ROBO2: variants seen among roughly 807,000 people sequenced by gnomAD.
ROBO2 encodes the protein roundabout homolog 2.
In ROBO2, 53 loss-of-function variants were observed where a neutral mutation model predicts 160.8. The ratio of observed to expected loss-of-function variants is 0.33; its 90% CI spans 0.26 to 0.41. ROBO2 has a LOEUF of 0.41. Among genes scored for constraint, ROBO2 ranks in the 10% least tolerant of loss-of-function variants. The pLI is 1.00. For missense variants in ROBO2, 1,577 were observed against 1,722.4 expected (o/e 0.92, Z 1.49); for synonymous variants, 664 against 611.7 (o/e 1.09, Z -1.26).
At chr3:76,701,650 C>G (rs1239171581) in intron 2 of ROBO2, among the ~76,000 whole-genome samples, 2 of 151,812 alleles carry the variant, frequency 1.3e-5, no homozygotes, top group African/African-American at 4.8e-5. Flanking sequence ...ATTTCACTAC[C>G]CAAATCAATT....
chr3:77,288,715 C>T (rs893595652), intron 2 of ROBO2, among the ~76,000 whole-genome samples: 8 of 152,056 alleles, frequency 5.3e-5, no homozygotes, highest in Non-Finnish European at 7.4e-5. Context: ...TGTGTTACAA[C>T]GGATCTACAA....
intron 2 of ROBO2, among the ~76,000 whole-genome samples, chr3:76,290,136 T>G (rs1708732068): frequency 6.6e-6 from 1 of 152,262 alleles, no homozygotes; most frequent in East Asian, 1.9e-4. Flanking sequence ...GCATGGACTG[T>G]TTTCCATTTC....
intron 2 of ROBO2, among the ~76,000 whole-genome samples, chr3:76,504,343 A>C (rs2080654495): frequency 6.6e-6 from 1 of 152,162 alleles, no homozygotes; most frequent in South Asian, 2.1e-4. Context: ...GAGAGACAGA[A>C]AATGATGCAG....
chr3:76,004,928 A>G (rs761283607), intron 2 of ROBO2, among the ~76,000 whole-genome samples: 10 of 152,210 alleles, frequency 6.6e-5, no homozygotes, highest in African/African-American at 2.2e-4. Flanking sequence ...ACATCATCCA[A>G]TGAAACACTG....
intron 2 of ROBO2, among the ~76,000 whole-genome samples, chr3:76,073,267 CTTTTTTTTTTTTTTTTTTTT>C (rs869307615): frequency 1.6e-4 from 9 of 57,394 alleles, no homozygotes; most frequent in East Asian, 5.5e-4. Flanking sequence ...AATGAGTATT[CTTTTTTTTTTTTTTTTTTTT>C]TTTTTTTTTT....
At chr3:76,879,229 A>G (rs1319296877) in intron 2 of ROBO2, among the ~76,000 whole-genome samples, 1 of 152,080 alleles carries the variant, frequency 6.6e-6, no homozygotes, top group East Asian at 1.9e-4. Context: ...GGGAGAAGAG[A>G]AAAATCATGT....
chr3:76,453,370 G>A (rs556563370), intron 2 of ROBO2, among the ~76,000 whole-genome samples: 10 of 152,280 alleles, frequency 6.6e-5, no homozygotes, highest in Admixed American at 2.0e-4. Context: ...GTAAGGAAGC[G>A]ATCCAGTTTC....
intron 2 of ROBO2, among the ~76,000 whole-genome samples, chr3:77,105,878 GATCCT>G (rs2072726021): frequency 6.6e-6 from 1 of 152,086 alleles, no homozygotes; most frequent in African/African-American, 2.4e-5. Flanking sequence ...CAGTCAAGTA[GATCCT>G]ATCCATAAAA....
intron 5 of ROBO2, among the ~76,000 whole-genome samples, chr3:77,493,700 C>G (rs376613655): frequency 7.9e-5 from 12 of 152,222 alleles, no homozygotes; most frequent in African/African-American, 2.9e-4. Context: ...CAGAATGCCC[C>G]CTGCAGGCCT....
intron 2 of ROBO2, among the ~76,000 whole-genome samples, chr3:75,978,113 G>A (rs1217078388): frequency 6.6e-6 from 1 of 151,620 alleles, no homozygotes; most frequent in East Asian, 2.0e-4. Flanking sequence ...GTTTTCAGTA[G>A]ATATTAAATT....
At chr3:77,336,078 C>G (rs149770678) in intron 2 of ROBO2, among the ~76,000 whole-genome samples, 64 of 152,284 alleles carry the variant, frequency 4.2e-4, no homozygotes, top group African/African-American at 1.4e-3. Flanking sequence ...AGAATGGCCT[C>G]ATAGTGCTGG....
At chr3:77,238,643 C>T (rs1290951993) in intron 2 of ROBO2, among the ~76,000 whole-genome samples, 1 of 151,966 alleles carries the variant, frequency 6.6e-6, no homozygotes, top group East Asian at 1.9e-4. Flanking sequence ...ATCTAATTTT[C>T]TTTTTTAGAA....
At chr3:77,442,364 T>C (rs2080033069) in intron 2 of ROBO2, among the ~76,000 whole-genome samples, 1 of 152,002 alleles carries the variant, frequency 6.6e-6, no homozygotes, top group Non-Finnish European at 1.5e-5. Flanking sequence ...TGTTGCATGA[T>C]GCTATTTTCA....
intron 2 of ROBO2, among the ~76,000 whole-genome samples, chr3:77,309,224 A>C (rs1372668892): frequency 6.6e-6 from 1 of 152,152 alleles, no homozygotes; most frequent in Non-Finnish European, 1.5e-5. Context: ...GTTGTTACTA[A>C]GCTTTACATA....
chr3:77,444,064 T>G (rs1050460896), intron 2 of ROBO2, among the ~76,000 whole-genome samples: 1 of 152,214 alleles, frequency 6.6e-6, no homozygotes, highest in Non-Finnish European at 1.5e-5. Flanking sequence ...ATTATCTTTG[T>G]CCATGCCTTC....
At chr3:76,381,407 G>A (rs1576805296) in intron 2 of ROBO2, among the ~76,000 whole-genome samples, 1 of 152,112 alleles carries the variant, frequency 6.6e-6, no homozygotes, top group Non-Finnish European at 1.5e-5. Context: ...CTGGAGTGCA[G>A]TGGCATGATC....
At chr3:76,463,122 C>G (rs1454381009) in intron 2 of ROBO2, among the ~76,000 whole-genome samples, 1 of 152,144 alleles carries the variant, frequency 6.6e-6, no homozygotes, top group Non-Finnish European at 1.5e-5. Flanking sequence ...AAGGCTGCTC[C>G]CGCTGGGAAA....
chr3:76,283,487 C>T (rs185280345), intron 2 of ROBO2, among the ~76,000 whole-genome samples: 3 of 151,898 alleles, frequency 2.0e-5, no homozygotes, highest in East Asian at 1.9e-4. Context: ...AAGCAGTTTT[C>T]GTAAACAACC....
At chr3:77,253,125 C>G (rs1004088677) in intron 2 of ROBO2, among the ~76,000 whole-genome samples, 1 of 151,950 alleles carries the variant, frequency 6.6e-6, no homozygotes, top group African/African-American at 2.4e-5. Flanking sequence ...CGTGTTACTT[C>G]AGATGGCTGT....
Sources: gnomAD v4.1 joint callset for allele counts (sites outside exome capture counted in the v4.1 genomes callset) on GRCh38, gnomAD v4.1.1 for gene constraint, MANE v1.5 for transcripts, NCBI Gene and HGNC (gene_info 2026-07-23, HGNC 2026-07-21) for gene names.